The following KCNA3 variants were observed in gnomAD, a reference collection of about 807,000 sequenced individuals.
KCNA3 encodes the protein RP11-284N8.3.
KCNA3 carries 18 observed loss-of-function variants against 34.3 expected under a neutral mutation model. The ratio of observed to expected loss-of-function variants is 0.52; its 90% CI spans 0.36 to 0.78. The LOEUF (loss-of-function observed/expected upper bound fraction) is 0.78. KCNA3 is among the 30% of genes least tolerant of loss of function. KCNA3 has a pLI of 0.00. For synonymous variants in KCNA3, 324 were observed against 351.7 expected (o/e 0.92, Z 0.88); for missense variants, 587 against 802.5 (o/e 0.73, Z 3.24).
At chr1:110,671,383 G>A (rs943254954), downstream of KCNA3, among the ~76,000 whole-genome samples, 6 of 152,180 alleles carry the variant, frequency 3.9e-5, no homozygotes, top group South Asian at 1.2e-3. Context: ...AAAACTGTTG[G>A]TTTGGCAAAT....
At chr1:110,664,961 A>G in the KCNA3 span, among the ~76,000 whole-genome samples, 1 of 152,154 alleles carries the variant, frequency 6.6e-6, no homozygotes, top group Non-Finnish European at 1.5e-5. Flanking sequence ...CCCAAGGTGG[A>G]GCATGCCTGG....
the KCNA3 span, among the ~76,000 whole-genome samples, chr1:110,662,731 A>G: frequency 6.6e-6 from 1 of 152,200 alleles, no homozygotes; most frequent in Non-Finnish European, 1.5e-5. Context: ...TTTTAAAAAA[A>G]TCTAGAAAGT....
At chr1:110,663,890 C>CA in the KCNA3 span, among the ~76,000 whole-genome samples, 1 of 152,150 alleles carries the variant, frequency 6.6e-6, no homozygotes, top group Non-Finnish European at 1.5e-5. Flanking sequence ...TATGAACAAT[C>CA]ACTTCAAAAA....
At chr1:110,660,416 AT>A in the KCNA3 span, among the ~76,000 whole-genome samples, 7 of 151,858 alleles carry the variant, frequency 4.6e-5, no homozygotes, top group South Asian at 2.1e-4. Flanking sequence ...ATTTCCAAGG[AT>A]TTTTTTTCCT....
At chr1:110,660,285 G>T in the KCNA3 span, among the ~76,000 whole-genome samples, 34 of 152,266 alleles carry the variant, frequency 2.2e-4, no homozygotes, top group African/African-American at 7.9e-4. Context: ...TTGAAATTTA[G>T]TCCAAACCAG....
In KCNA3 at chr1:110,672,995, C is replaced by A; in HGVS notation, c.*87G>T. The stretch of plus-strand genomic sequence containing the variant: ...TCAGGTCCTTTCCTTGATGAATGGT[C>A]TGGAAATGTATAAAACAAGGGCATA... On this transcript the variant is annotated 3_prime_UTR_variant, in exon 1 of 1. Coordinates refer to ENST00000369769, the MANE Select transcript of KCNA3 (RefSeq NM_002232.5). 7.7e-7 allele frequency: 1 copy of A among 1,291,406 alleles called. No homozygotes were observed. The highest frequency in any genetic ancestry group is 1.1e-6 in the Non-Finnish European group (1 of 928,204). 80.0% of individuals were successfully genotyped at this position (1,291,406 alleles called of 1,614,324 possible). A position where few individuals can be genotyped will look rare whatever the true frequency, so the allele number is the denominator to read the frequency against.
In KCNA3 at chr1:110,672,874, A is replaced by G; in HGVS notation, c.*208T>C. The stretch of plus-strand genomic sequence containing the variant: ...TAAGAGAGAGAGGGTAAGAGGGAAA[A>G]GGAGAGCTGAGAGAATGCAGCCCAC... On this transcript the variant is annotated 3_prime_UTR_variant, in exon 1 of 1. Coordinates refer to ENST00000369769, the MANE Select transcript of KCNA3 (RefSeq NM_002232.5). The G allele has an allele frequency of 1.8e-6, 1 of 560,940 alleles. No individual in the cohort carries two copies. Among genetic ancestry groups the G allele is most frequent in the Non-Finnish European group, 3.2e-6 (1 of 317,432 alleles). 34.7% of individuals were successfully genotyped at this position (560,940 alleles called of 1,614,324 possible). A position where few individuals can be genotyped will look rare whatever the true frequency, so the allele number is the denominator to read the frequency against.
chr1:110,666,935 T>G, the KCNA3 span, among the ~76,000 whole-genome samples: 1 of 152,210 alleles, frequency 6.6e-6, no homozygotes, highest in Non-Finnish European at 1.5e-5. Context: ...TGTAAATATT[T>G]ATGCTGCACA....
Position 110,674,352 on chromosome 1 carries a change from C to G in KCNA3, c.458G>C (p.Arg153Pro). ...GTAGAGGATGGCGTCGAAGCTGGGC[C>G]GGTTGCGGTCGAAGAAGTACTCGTT... ...LRNEYFFDRN[R>P]PSFDAILYYY... Residue 153 changes from arginine (R) to proline (P), a missense_variant, in exon 1 of 1, where the codon CGG (arginine) becomes CCG (proline). Arg to Pro is a moderately radical substitution (Grantham distance 103). Around this residue, in one of 7 missense-constraint regions of KCNA3, gnomAD observed 341 missense variants for 355.4 expected, o/e 0.96. Transcript: ENST00000369769. The surrounding 1 kb of genome is among the most constrained non-coding windows in gnomAD (Gnocchi z 6.4). 6.8e-6 allele frequency: 11 copies of G among 1,614,130 alleles called. No individual in the cohort carries two copies. The highest frequency in any genetic ancestry group is 8.5e-6 in the Non-Finnish European group (10 of 1,180,008).
chr1:110,670,467 A>T (rs1651848889), downstream of KCNA3, among the ~76,000 whole-genome samples: 1 of 152,218 alleles, frequency 6.6e-6, no homozygotes, highest in African/African-American at 2.4e-5. Context: ...CAAGGTTTCT[A>T]CATCTCCTGA....
chr1:110,672,147 G>A (rs894857059), downstream of KCNA3, among the ~76,000 whole-genome samples: 1 of 152,170 alleles, frequency 6.6e-6, no homozygotes, highest in African/African-American at 2.4e-5. Context: ...AGCAAGAGAT[G>A]CCATGACAAC....
At position 110,674,814 on chromosome 1, in the gene KCNA3, C is replaced by G; in HGVS notation, c.-5G>C. ...AAGGCTGAGGCGCTCGTCCATGCGG[C>G]GGGGAAGAGGCGGCAGCGGTGAGGC... On this transcript the variant is annotated 5_prime_UTR_variant, in exon 1 of 1. Transcript: ENST00000369769. The surrounding 1 kb of genome is among the most constrained non-coding windows in gnomAD (Gnocchi z 6.4). 2 of 1,306,082 alleles carry G rather than the reference C, an allele frequency of 1.5e-6. No individual in the cohort carries two copies. 80.9% of individuals were successfully genotyped at this position (1,306,082 alleles called of 1,614,324 possible).
chr1:110,661,883 C>T, the KCNA3 span, among the ~76,000 whole-genome samples: 10 of 151,824 alleles, frequency 6.6e-5, no homozygotes, highest in Admixed American at 4.6e-4. Flanking sequence ...CCAACGCGGG[C>T]GGATCACGAG....
At chr1:110,670,331 C>T (rs1307743772), downstream of KCNA3, among the ~76,000 whole-genome samples, 1 of 152,140 alleles carries the variant, frequency 6.6e-6, no homozygotes, top group East Asian at 1.9e-4. Context: ...AATCATATTA[C>T]CTCAAAGTTA....
downstream of KCNA3, among the ~76,000 whole-genome samples, chr1:110,671,296 C>T (rs1363179233): frequency 2.0e-5 from 3 of 152,214 alleles, no homozygotes; most frequent in Middle Eastern, 3.4e-3. Context: ...GGAAACTAAA[C>T]GACAGTTAGC....
At chr1:110,664,338 T>C in the KCNA3 span, among the ~76,000 whole-genome samples, 12 of 152,302 alleles carry the variant, frequency 7.9e-5, no homozygotes, top group East Asian at 1.9e-3. Context: ...CTAGGTACCC[T>C]CAATGATATC....
At position 110,674,668 on chromosome 1, in the gene KCNA3, C is replaced by G; in HGVS notation, c.142G>C (p.Glu48Gln). The G allele has an allele frequency of 6.6e-7, 1 of 1,515,772 alleles. No individual in the cohort carries two copies. The highest frequency in any genetic ancestry group is 8.7e-7 in the Non-Finnish European group (1 of 1,143,326). 93.9% of individuals were successfully genotyped at this position (1,515,772 alleles called of 1,614,324 possible). A position where few individuals can be genotyped will look rare whatever the true frequency, so the allele number is the denominator to read the frequency against. Residue 48 changes from glutamate to glutamine, a missense_variant, in exon 1 of 1, where the codon GAG becomes CAG. Glu to Gln is a conservative substitution (Grantham distance 29). Around this residue, in one of 7 missense-constraint regions of KCNA3, gnomAD observed 341 missense variants for 355.4 expected, o/e 0.96. Transcript: ENST00000369769. This position sits in a 1 kb window ranked among gnomAD's most constrained non-coding sequence, Gnocchi z 6.4. ...HGYAEPAAGR[E>Q]LPPDMTVVPG... ...ACCACGGTCATGTCGGGCGGCAGCT[C>G]GCGGCCTGCGGCGGGCTCCGCGTAG...
chr1:110,674,527 C>T lies in KCNA3; in HGVS notation c.283G>A (p.Ala95Thr), dbSNP rs756490755. Residue 95 changes from alanine to threonine, a missense_variant, in exon 1 of 1, where the codon GCC (alanine) becomes ACC (threonine). Ala to Thr is a moderately conservative substitution (Grantham distance 58). Transcript: ENST00000369769. The surrounding 1 kb of genome is among the most constrained non-coding windows in gnomAD (Gnocchi z 6.4). The part of the protein sequence containing the change: ...RYEPLPPSLP[A>T]AGEQDCCGER... ...CCGCAGCAGTCCTGCTCGCCCGCGGCCGGCAGTGAGGGCGGCAGCGGCTCG... is the reference window on the plus strand; with the variant it reads ...CCGCAGCAGTCCTGCTCGCCCGCGGTCGGCAGTGAGGGCGGCAGCGGCTCG... 3.1e-6 allele frequency: 5 copies of T among 1,610,542 alleles called. No homozygotes were observed. In the East Asian group the frequency reaches 9.0e-5, roughly 29 times the overall value.
chr1:110,674,387 G>T lies in KCNA3; in HGVS notation c.423C>A (p.Asp141Glu). 6.2e-7 allele frequency: 1 copy of T among 1,614,158 alleles called. No homozygotes were observed. The highest frequency in any genetic ancestry group is 8.5e-7 in the Non-Finnish European group (1 of 1,180,028). Reference sequence around the variant, plus strand: ...CGAAGAAGTACTCGTTGCGGAGCGGGTCGAAGTACCTCATGCGCCGCTTGG... The same window carrying T: ...CGAAGAAGTACTCGTTGCGGAGCGGTTCGAAGTACCTCATGCGCCGCTTGG... ...GDPKRRMRYF[D>E]PLRNEYFFDR... Residue 141 changes from aspartate to glutamate, a missense_variant, in exon 1 of 1, where the codon GAC becomes GAA. By Grantham distance (45) the Asp-to-Glu change is conservative. Coordinates refer to ENST00000369769, the MANE Select transcript of KCNA3 (RefSeq NM_002232.5). The surrounding 1 kb of genome is among the most constrained non-coding windows in gnomAD (Gnocchi z 6.4).
Sources: allele counts gnomAD v4.1 joint callset (sites outside exome capture counted in the v4.1 genomes callset), GRCh38; gene constraint gnomAD v4.1.1; regional missense constraint gnomAD v4.1.1; non-coding constraint Gnocchi (gnomAD v3.1); transcripts MANE v1.5; gene names NCBI Gene and HGNC (gene_info 2026-07-23, HGNC 2026-07-21).